PRKDC: variants seen among roughly 807,000 people sequenced by gnomAD.
PRKDC encodes the protein DNA-dependent protein kinase catalytic subunit.
In PRKDC, 82 loss-of-function variants were observed where a neutral mutation model predicts 486.9. That is an observed-to-expected ratio of 0.17 (90% CI 0.14 to 0.20). The LOEUF (loss-of-function observed/expected upper bound fraction) is 0.20. Among genes scored for constraint, PRKDC ranks in the 10% least tolerant of loss-of-function variants. The pLI is 1.00. For synonymous variants in PRKDC, 1,895 were observed against 1,837.0 expected (o/e 1.03, Z -0.81); for missense variants, 4,504 against 5,038.2 (o/e 0.89, Z 3.21).
At chr8:47,901,061 G>A (rs1436873839) in intron 27 of PRKDC, among the ~76,000 whole-genome samples, 1 of 151,384 alleles carries the variant, frequency 6.6e-6, no homozygotes, top group Non-Finnish European at 1.5e-5. Context: ...GGCTGAGGCA[G>A]GAGGACCACT....
At chr8:47,865,345 T>G (rs1589752217) in intron 40 of PRKDC, among the ~76,000 whole-genome samples, 1 of 149,942 alleles carries the variant, frequency 6.7e-6, no homozygotes, top group East Asian at 2.0e-4. Flanking sequence ...GTCGCACCAC[T>G]GCACTCCAGC....
intron 69 of PRKDC, chr8:47,805,271 T>G (rs1031311014): frequency 6.6e-6 from 1 of 152,204 alleles, no homozygotes; most frequent in South Asian, 2.1e-4. Context: ...AGGGTTCCAG[T>G]TTCCCCCATC....
intron 34 of PRKDC, 33 bp from the exon 35 acceptor site, chr8:47,887,738 A>G (rs1456338545): frequency 1.3e-6 from 2 of 1,560,722 alleles, no homozygotes; most frequent in Non-Finnish European, 1.7e-6. Context: ...ATGCCTAGCA[A>G]AAAGATATTT....
chr8:47,908,561 C>G (rs2089835501), intron 25 of PRKDC, among the ~76,000 whole-genome samples: 1 of 152,172 alleles, frequency 6.6e-6, no homozygotes, highest in South Asian at 2.1e-4. Context: ...AGAAATCACA[C>G]TGCACACAGA....
At chr8:47,904,783 A>T in intron 26 of PRKDC, 86 bp downstream of exon 26, 3 of 1,110,406 alleles carry the variant, frequency 2.7e-6, no homozygotes, top group Non-Finnish European at 3.9e-6. Flanking sequence ...ACGGAGCAAG[A>T]CTGTCTCAAA....
intron 21 of PRKDC, among the ~76,000 whole-genome samples, chr8:47,926,443 A>G (rs964618867): frequency 6.6e-6 from 1 of 152,008 alleles, no homozygotes; most frequent in Admixed American, 6.6e-5. Flanking sequence ...AAACCTCACA[A>G]TTTTTTTTCT....
At position 47,798,230 on chromosome 8, in the gene PRKDC, C is replaced by T; in HGVS notation, c.10458+7G>A. On this transcript the variant is annotated splice_region_variant and intron_variant, in intron 73 of 85. Coordinates refer to ENST00000314191, the MANE Select transcript of PRKDC (RefSeq NM_006904.7). ...TCCTTACCGCCAAGTAGAATAAAGA[C>T]ACCAACCTCTTTTGTCATGAGGCTC... The T allele has an allele frequency of 6.2e-7, 1 of 1,607,612 alleles. No individual in the cohort carries two copies. The highest frequency in any genetic ancestry group is 8.5e-7 in the Non-Finnish European group (1 of 1,178,286).
chr8:47,820,938 T>C lies in PRKDC; in HGVS notation c.9117A>G (p.Thr3039=), dbSNP rs368068133. The C allele has an allele frequency of 2.7e-5, 42 of 1,583,988 alleles. No homozygotes were observed. Among genetic ancestry groups the C allele is most frequent in the Non-Finnish European group, 3.4e-5 (40 of 1,162,724 alleles). ...KIWSEPFYQE[T]YLPYMIRSKL... is the part of the protein sequence containing the mutation. The stretch of plus-strand genomic sequence containing the variant: ...TGCTGCGGATCATGTAAGGTAGATA[T>C]GTTTCCTAAGGAACATAAAAATATA... Residue 3039 remains threonine, a synonymous_variant, in exon 66 of 86, where the codon ACA becomes ACG. Coordinates refer to ENST00000314191, the MANE Select transcript of PRKDC (RefSeq NM_006904.7).
chr8:47,870,429 C>T (rs1044022987), intron 40 of PRKDC, among the ~76,000 whole-genome samples: 2 of 152,286 alleles, frequency 1.3e-5, no homozygotes, highest in Non-Finnish European at 1.5e-5. Context: ...AAGATTGTAC[C>T]AAGACCACTA....
At chr8:47,923,065 T>C (rs1057149138) in intron 21 of PRKDC, among the ~76,000 whole-genome samples, 2 of 151,770 alleles carry the variant, frequency 1.3e-5, no homozygotes, top group Admixed American at 6.6e-5. Context: ...GAGAAGTCAT[T>C]CTTTTTTTTT....
intron 14 of PRKDC, 150 bp downstream of exon 14, chr8:47,934,859 T>G (rs1383019657): frequency 1.9e-6 from 1 of 537,134 alleles, no homozygotes; most frequent in African/African-American, 1.9e-5. Flanking sequence ...TATAGAGGTA[T>G]TATGTCCTAC....
intron 40 of PRKDC, among the ~76,000 whole-genome samples, chr8:47,867,097 C>A (rs1426051541): frequency 6.6e-6 from 1 of 152,054 alleles, no homozygotes; most frequent in Non-Finnish European, 1.5e-5. Flanking sequence ...TGGCAAAGGG[C>A]TACTTTAAAA....
At position 47,888,623 on chromosome 8, in the gene PRKDC, C is replaced by T. The variant is rs781650863; in HGVS notation, c.4308G>A (p.Leu1436=). ...TGTCCACTTGCGCGTCAGGGCCATA[C>T]AAGTTGACGGCACAAAGCTCCTCAA... ...QSIEELCAVN[L]YGPDAQVDRS... The change falls in exon 34 of 86, where the codon TTG becomes TTA. Residue 1436 remains leucine (L), a synonymous_variant. Coordinates refer to ENST00000314191, the MANE Select transcript of PRKDC (RefSeq NM_006904.7). 108 of 1,594,106 alleles carry T rather than the reference C, an allele frequency of 6.8e-5. No homozygotes were observed. The highest frequency in any genetic ancestry group is 9.0e-5 in the Non-Finnish European group (105 of 1,170,454).
intron 14 of PRKDC, among the ~76,000 whole-genome samples, chr8:47,934,407 C>T (rs192071504): frequency 1.6e-4 from 25 of 152,210 alleles, no homozygotes; most frequent in African/African-American, 5.1e-4. Flanking sequence ...AGGTGGCGGT[C>T]GCCTGTAATA....
Position 47,837,269 on chromosome 8 carries a change from C to T in PRKDC, c.7704G>A (p.Met2568Ile). 1 of 1,613,914 alleles carries T rather than the reference C, an allele frequency of 6.2e-7. No homozygotes were observed. Among genetic ancestry groups the T allele is most frequent in the South Asian group, 1.1e-5 (1 of 91,058 alleles). Residue 2568 changes from methionine (M) to isoleucine (I), a missense_variant, in exon 57 of 86, where the codon ATG (methionine) becomes ATA (isoleucine). By Grantham distance (10) the Met-to-Ile change is conservative. Transcript: ENST00000314191. The part of the protein sequence containing the change: ...ATNFLLEMTS[M>I]SPDYPNPMFE... ...ACATGGGGTTTGGATAATCTGGGCTCATGCTGGTCATTTCGAGCAGAAAAT... is the reference window on the plus strand; with the variant it reads ...ACATGGGGTTTGGATAATCTGGGCTTATGCTGGTCATTTCGAGCAGAAAAT...
In PRKDC at chr8:47,930,775, C is replaced by T; in HGVS notation, c.1789G>A (p.Ala597Thr). The change falls in exon 17 of 86, where the codon GCG becomes ACG. Residue 597 changes from alanine to threonine, a missense_variant. Ala to Thr is a moderately conservative substitution (Grantham distance 58). Transcript: ENST00000314191. ...GTTGGGATCATCCAAACACCAGGCG[C>T]CTCATCTCCATTCTTAAAGAGTAAT... is the stretch of plus-strand genomic sequence containing the variant. ...TVGEQENGDE[A>T]PGVWMIPTSD... The T allele has an allele frequency of 6.3e-7, 1 of 1,578,042 alleles. No individual in the cohort carries two copies. Among genetic ancestry groups the T allele is most frequent in the Non-Finnish European group, 8.6e-7 (1 of 1,162,792 alleles).
intron 68 of PRKDC, among the ~76,000 whole-genome samples, chr8:47,810,461 T>TAA (rs2087303653): frequency 6.6e-6 from 1 of 152,228 alleles, no homozygotes. Context: ...GTATTATCCA[T>TAA]GGTTTCAGGA....
At chr8:47,931,239 C>A (rs2090246149) in intron 16 of PRKDC, among the ~76,000 whole-genome samples, 1 of 152,210 alleles carries the variant, frequency 6.6e-6, no homozygotes, top group South Asian at 2.1e-4. Context: ...ATTTGTGTTA[C>A]CAAACACAAC....
intron 61 of PRKDC, among the ~76,000 whole-genome samples, chr8:47,830,304 TC>T (rs1032557226): frequency 1.3e-5 from 2 of 152,170 alleles, no homozygotes; most frequent in African/African-American, 4.8e-5. Context: ...AGGTACAAAT[TC>T]CTTCATTTAT....
Sources: gnomAD v4.1 joint callset for allele counts (sites outside exome capture counted in the v4.1 genomes callset) on GRCh38, gnomAD v4.1.1 for gene constraint, MANE v1.5 for transcripts, NCBI Gene and HGNC (gene_info 2026-07-23, HGNC 2026-07-21) for gene names.